Variants in VIRMA observed in about 807,000 individuals in gnomAD.
VIRMA encodes the protein vir like m6A methyltransferase associated, also known as protein virilizer homolog.
Under a neutral mutation model 182.4 loss-of-function variants are expected in VIRMA, and 65 were observed. The observed-to-expected ratio is 0.36, with a 90% CI of 0.29 to 0.44. The LOEUF (loss-of-function observed/expected upper bound fraction) is 0.44, where lower values mean the gene tolerates loss of function less well. Among genes scored for constraint, VIRMA ranks in the 20% least tolerant of loss-of-function variants. VIRMA has a pLI of 1.00. For synonymous variants in VIRMA, 709 were observed against 743.1 expected (o/e 0.95, Z 0.75); for missense variants, 1,752 against 2,158.1 (o/e 0.81, Z 3.73).
rs114709624 is a variant in VIRMA, at chr8:94,535,977, T to C, written c.316-970A>G. Among the ~76,000 whole-genome samples, 991 of 152,272 alleles carry C rather than the reference T, an allele frequency of 6.5e-3. 18 individuals are homozygous for C. The highest frequency in any genetic ancestry group is 0.023 in the African/African-American group (940 of 41,530). On this transcript the variant is annotated intron_variant, in intron 4 of 23. Transcript: ENST00000297591. ...ATCTTCACAATTATGAGAGCAGATATTGTCATTCCCTTTTAAGAAATAAGA... is the reference window on the plus strand; with the variant it reads ...ATCTTCACAATTATGAGAGCAGATACTGTCATTCCCTTTTAAGAAATAAGA...
At chr8:94,533,794 G>A (rs765043353) in intron 5 of VIRMA, 3 of 151,856 alleles carry the variant, frequency 2.0e-5, no homozygotes, top group Admixed American at 6.6e-5. Flanking sequence ...GAATGGACTC[G>A]AACTCCTGGG....
At chr8:94,551,532 T>G (rs981220465) in intron 1 of VIRMA, among the ~76,000 whole-genome samples, 1 of 152,210 alleles carries the variant, frequency 6.6e-6, no homozygotes, top group Non-Finnish European at 1.5e-5. Flanking sequence ...GATTTAAATG[T>G]GATCTCTGCT....
At chr8:94,509,628 A>T (rs757398661) in intron 15 of VIRMA, 60 bp downstream of exon 15, 28 of 937,706 alleles carry the variant, frequency 3.0e-5, no homozygotes, top group Non-Finnish European at 3.9e-5. Context: ...GCTTAAATAC[A>T]CACACACACA....
At chr8:94,506,948 A>G (rs1041088414) in intron 15 of VIRMA, among the ~76,000 whole-genome samples, 2 of 152,108 alleles carry the variant, frequency 1.3e-5, no homozygotes, top group Admixed American at 1.3e-4. Context: ...AAATATTTTG[A>G]TTTACTTTTA....
At chr8:94,550,387 G>C (rs1421042827) in intron 1 of VIRMA, among the ~76,000 whole-genome samples, 1 of 151,852 alleles carries the variant, frequency 6.6e-6, no homozygotes, top group Non-Finnish European at 1.5e-5. Flanking sequence ...CTGCCTCCCG[G>C]GTTCACGCCA....
At chr8:94,538,583 T>A (rs1815423285) in intron 2 of VIRMA, among the ~76,000 whole-genome samples, 1 of 152,172 alleles carries the variant, frequency 6.6e-6, no homozygotes, top group Non-Finnish European at 1.5e-5. Context: ...TTTAATCAAG[T>A]ACTTTTTGCA....
chr8:94,499,287 C>T, intron 17 of VIRMA, 87 bp downstream of exon 17: 1 of 908,432 alleles, frequency 1.1e-6, no homozygotes, highest in Non-Finnish European at 1.6e-6. Flanking sequence ...AGATGTGAGC[C>T]ATCGTACTTG....
chr8:94,510,521 T>C lies in VIRMA; in HGVS notation c.3522A>G (p.Gln1174=). 1.2e-6 allele frequency: 2 copies of C among 1,614,122 alleles called. No individual in the cohort carries two copies. The highest frequency in any genetic ancestry group is 1.7e-6 in the Non-Finnish European group (2 of 1,180,022). ...SFSGTTCQPI[Q]HMLRRICVQL... Reference sequence around the variant, plus strand: ...GAACACAAATACGCCGTAACATATGTTGAATGGGCTGGCAGGTTGTGCCAG... The same window carrying C: ...GAACACAAATACGCCGTAACATATGCTGAATGGGCTGGCAGGTTGTGCCAG... The change falls in exon 14 of 24, where the codon CAA becomes CAG. Residue 1174 remains glutamine (Q), a synonymous_variant. Coordinates refer to ENST00000297591, the MANE Select transcript of VIRMA (RefSeq NM_015496.5).
chr8:94,493,182 T>C (rs189324681), intron 20 of VIRMA, among the ~76,000 whole-genome samples: 408 of 152,324 alleles, frequency 2.7e-3, no homozygotes, highest in Non-Finnish European at 3.7e-3. Flanking sequence ...CAGCCTTATA[T>C]AGTCAACATT....
Position 94,547,780 on chromosome 8 carries a change from CG to C in VIRMA, c.64-3839del, listed in dbSNP as rs578118738. On this transcript the variant is annotated intron_variant, in intron 1 of 23. Transcript: ENST00000297591. Reference sequence around the variant, plus strand: ...AGTATATAAATAATAGCATTAATATCGTAGCACTTTGGGAGGCCAAGACAGA... The same window carrying C: ...AGTATATAAATAATAGCATTAATATCTAGCACTTTGGGAGGCCAAGACAGA... 6.0e-5 allele frequency among the ~76,000 whole-genome samples: 9 copies of C among 150,226 alleles called. No homozygotes were observed. In the East Asian group the frequency reaches 1.4e-3, roughly 23 times the overall value.
At position 94,511,986 on chromosome 8, in the gene VIRMA, G is replaced by T; in HGVS notation, c.2845+10C>A. On this transcript the variant is annotated intron_variant, in intron 12 of 23. Transcript: ENST00000297591. Reference sequence around the variant, plus strand: ...GAATCGTAGTTTTTAAAATACAGTAGCCACATTACCTTCAACAGGAGGTGG... The same window carrying T: ...GAATCGTAGTTTTTAAAATACAGTATCCACATTACCTTCAACAGGAGGTGG... 1 of 1,482,612 alleles carries T rather than the reference G, an allele frequency of 6.7e-7. No homozygotes were observed. Among genetic ancestry groups the T allele is most frequent in the South Asian group, 1.4e-5 (1 of 69,704 alleles). The allele number at this position is 1,482,612 out of a possible 1,614,324, so 91.8% of individuals were successfully genotyped here. A position where few individuals can be genotyped will look rare whatever the true frequency, so the allele number is the denominator to read the frequency against.
chr8:94,536,439 G>T (rs1815345050), intron 4 of VIRMA, among the ~76,000 whole-genome samples: 1 of 152,174 alleles, frequency 6.6e-6, no homozygotes, highest in Non-Finnish European at 1.5e-5. Flanking sequence ...GCATATTTTT[G>T]ATAAGAAAGG....
intron 8 of VIRMA, among the ~76,000 whole-genome samples, chr8:94,524,067 T>C (rs942198790): frequency 5.9e-5 from 9 of 151,314 alleles, no homozygotes; most frequent in Admixed American, 5.9e-4. Context: ...TGGTGAGATC[T>C]CAGCTCACTG....
intron 7 of VIRMA, among the ~76,000 whole-genome samples, chr8:94,528,327 G>T (rs1297576756): frequency 2.3e-5 from 3 of 132,880 alleles, no homozygotes; most frequent in Non-Finnish European, 4.8e-5. Context: ...ATAATTATTT[G>T]ATAATCTGTG....
intron 9 of VIRMA, 51 bp downstream of exon 9, chr8:94,518,934 A>T: frequency 6.8e-7 from 1 of 1,471,910 alleles, no homozygotes; most frequent in Non-Finnish European, 9.2e-7. Context: ...ACCATTAGTT[A>T]ATCTGATTTT....
Position 94,495,840 on chromosome 8 carries a change from C to A in VIRMA, c.4435G>T (p.Gly1479Ter). Residue 1479 changes from glycine (G) to a stop codon, truncating the protein, a stop_gained, in exon 19 of 24, where the codon GGA (glycine) becomes TGA (stop). Coordinates refer to ENST00000297591, the MANE Select transcript of VIRMA (RefSeq NM_015496.5). LOFTEE classifies it high-confidence loss of function. ...NLDSLLDSVV[G>*]LKQMLESSGD... ...GATGACTCCAGCATCTGCTTAAGTC[C>A]AACTACACTGTCCAACAAAGAATCC... The A allele has an allele frequency of 6.2e-7, 1 of 1,613,748 alleles. No homozygotes were observed. Among genetic ancestry groups the A allele is most frequent in the Non-Finnish European group, 8.5e-7 (1 of 1,179,726 alleles).
chr8:94,532,894 G>A (rs1030040549), intron 5 of VIRMA, among the ~76,000 whole-genome samples: 3 of 152,006 alleles, frequency 2.0e-5, no homozygotes, highest in Non-Finnish European at 2.9e-5. Context: ...CCAGGATTAC[G>A]ACGTTACAGT....
rs74947825 is a variant in VIRMA at position 94,531,485 on chromosome 8, A to C, written c.485-400T>G. Among the ~76,000 whole-genome samples, 1,003 of 152,322 alleles carry C rather than the reference A, an allele frequency of 6.6e-3. 7 individuals carry two copies. The highest frequency in any genetic ancestry group is 0.023 in the African/African-American group (947 of 41,564). ...GGTGTCTCAGAAATTTTGCTAATTA[A>C]TCTATATTAATAACATCGGAATTTC... On this transcript the variant is annotated intron_variant, in intron 5 of 23. Transcript: ENST00000297591.
rs1265039428 is a variant in VIRMA, at chr8:94,538,313, T to A, written c.213A>T (p.Leu71Phe). ...TTGGTTTGCTTACATTGTTGAAGAA[T>A]AAGTCTAATTGAAATGTATGGGGAG... ...ETSPHTFQLD[L>F]FFNNVSKPSA... is the part of the protein sequence containing the mutation. The change falls in exon 3 of 24, where the codon TTA (leucine) becomes TTT (phenylalanine). Residue 71 changes from leucine to phenylalanine, a missense_variant. Coordinates refer to ENST00000297591, the MANE Select transcript of VIRMA (RefSeq NM_015496.5). The A allele has an allele frequency of 6.2e-7, 1 of 1,613,130 alleles. No individual in the cohort carries two copies. The highest frequency in any genetic ancestry group is 8.5e-7 in the Non-Finnish European group (1 of 1,179,218).
Sources: gnomAD v4.1 joint callset for allele counts (sites outside exome capture counted in the v4.1 genomes callset) on GRCh38, gnomAD v4.1.1 for gene constraint, MANE v1.5 for transcripts, NCBI Gene and HGNC (gene_info 2026-07-23, HGNC 2026-07-21) for gene names.